The following FRMD4A variants were observed in gnomAD, a reference collection of about 807,000 sequenced individuals.
FRMD4A encodes the protein FERM domain-containing protein 4A.
Under a neutral mutation model 129.1 loss-of-function variants are expected in FRMD4A, and 29 were observed. That is an observed-to-expected ratio of 0.22 (90% CI 0.17 to 0.31). The LOEUF (loss-of-function observed/expected upper bound fraction) is 0.31. Among genes scored for constraint, FRMD4A ranks in the 10% least tolerant of loss-of-function variants. The pLI is 1.00. For missense variants in FRMD4A, 1,272 were observed against 1,375.8 expected, an observed-to-expected ratio of 0.92 and a Z score of 1.19; for synonymous variants, 634 against 571.6, an observed-to-expected ratio of 1.11 and a Z score of -1.56.
At chr10:13,893,981 A>G (rs535107318) in intron 2 of FRMD4A, among the ~76,000 whole-genome samples, 1 of 152,172 alleles carries the variant, frequency 6.6e-6, no homozygotes, top group Admixed American at 6.5e-5. Flanking sequence ...CTCCTAGTAA[A>G]CAGCATGCTC....
At chr10:14,028,765 A>C (rs933413054) in intron 2 of FRMD4A, among the ~76,000 whole-genome samples, 12 of 152,078 alleles carry the variant, frequency 7.9e-5, no homozygotes, top group African/African-American at 2.9e-4. Context: ...TATGTAGTAC[A>C]CCTCCTGAGG....
At chr10:13,662,575 C>A (rs760949371) in intron 19 of FRMD4A, among the ~76,000 whole-genome samples, 1 of 152,104 alleles carries the variant, frequency 6.6e-6, no homozygotes, top group Admixed American at 6.6e-5. Flanking sequence ...TCTTCCCCGA[C>A]GTATGGTGGT....
At chr10:14,092,735 G>T (rs1423673008) in intron 2 of FRMD4A, among the ~76,000 whole-genome samples, 1 of 152,234 alleles carries the variant, frequency 6.6e-6, no homozygotes, top group African/African-American at 2.4e-5. Flanking sequence ...CAGGCATGTG[G>T]CTGGCACTCG....
intron 2 of FRMD4A, among the ~76,000 whole-genome samples, chr10:13,905,186 A>AT (rs2094869220): frequency 6.6e-6 from 1 of 152,090 alleles, no homozygotes. Context: ...CCTGCAATGC[A>AT]TTTTGAAGAC....
intron 2 of FRMD4A, among the ~76,000 whole-genome samples, chr10:13,863,815 A>G (rs1167802093): frequency 6.6e-6 from 1 of 151,852 alleles, no homozygotes; most frequent in Non-Finnish European, 1.5e-5. Context: ...GAGTGACCCT[A>G]TTTGGAGAGG....
chr10:13,989,183 G>A (rs564431788), intron 2 of FRMD4A, among the ~76,000 whole-genome samples: 6 of 152,166 alleles, frequency 3.9e-5, no homozygotes, highest in East Asian at 1.9e-4. Context: ...CCCACACTGC[G>A]TCTTAGCGGT....
At chr10:14,219,762 T>A (rs1210094523) in intron 2 of FRMD4A, among the ~76,000 whole-genome samples, 3 of 152,134 alleles carry the variant, frequency 2.0e-5, no homozygotes, top group African/African-American at 7.2e-5. Context: ...CCTGTGTGCA[T>A]CCTCAGTCCA....
At chr10:13,878,770 GAA>G (rs796117719) in intron 2 of FRMD4A, among the ~76,000 whole-genome samples, 8 of 135,006 alleles carry the variant, frequency 5.9e-5, no homozygotes, top group African/African-American at 1.8e-4. Flanking sequence ...AGAAAGAAAA[GAA>G]AGAGAGAGAG....
chr10:13,952,911 G>C (rs983575956), intron 2 of FRMD4A, among the ~76,000 whole-genome samples: 3 of 151,944 alleles, frequency 2.0e-5, no homozygotes, highest in African/African-American at 7.3e-5. Flanking sequence ...GTCCAGACTG[G>C]TCTATAAACT....
At chr10:13,770,768 T>C (rs185772441) in intron 6 of FRMD4A, among the ~76,000 whole-genome samples, 7 of 152,272 alleles carry the variant, frequency 4.6e-5, no homozygotes, top group Admixed American at 3.3e-4. Flanking sequence ...TTAGAGATCA[T>C]GGGCACAGCC....
At chr10:14,287,958 A>G (rs1845734470) in intron 2 of FRMD4A, among the ~76,000 whole-genome samples, 1 of 151,990 alleles carries the variant, frequency 6.6e-6, no homozygotes, top group Non-Finnish European at 1.5e-5. Context: ...AACCATATGA[A>G]TTCTTCCTAG....
rs532102579 is a variant in FRMD4A, at chr10:13,696,783, C to T, written c.976-2744G>A. Among the ~76,000 whole-genome samples, 17 of 152,228 alleles carry T rather than the reference C, an allele frequency of 1.1e-4. No individual in the cohort carries two copies. In the South Asian group the frequency reaches 2.9e-3, roughly 26 times the overall value. On this transcript the variant is annotated intron_variant, in intron 14 of 24. Coordinates refer to ENST00000357447, the MANE Select transcript of FRMD4A (RefSeq NM_018027.5). ...GACCTGAATTAGAATCTTGGCTCTTCCCAGTGAATCACTATCGGACTTTGA... is the reference window on the plus strand; with the variant it reads ...GACCTGAATTAGAATCTTGGCTCTTTCCAGTGAATCACTATCGGACTTTGA...
intron 11 of FRMD4A, among the ~76,000 whole-genome samples, chr10:13,739,243 T>C (rs1232900049): frequency 6.6e-6 from 1 of 152,200 alleles, no homozygotes; most frequent in Non-Finnish European, 1.5e-5. Context: ...TTCTTAAAAC[T>C]TTAAAGGTGG....
Position 13,734,610 on chromosome 10 carries a change from A to G in FRMD4A, c.759+3234T>C, listed in dbSNP as rs187964309. 8.6e-4 allele frequency among the ~76,000 whole-genome samples: 131 copies of G among 151,642 alleles called. No individual in the cohort carries two copies. The East Asian group carries it at 0.019, about 22-fold the overall frequency. On this transcript the variant is annotated intron_variant, in intron 12 of 24. Transcript: ENST00000357447. The stretch of plus-strand genomic sequence containing the variant: ...TGCAAAATTCTTTGCACCCTTGAAG[A>G]CCCCACTCACTCTCTGCTTCCTCTG...
chr10:13,849,821 C>G (rs967108457), intron 3 of FRMD4A, among the ~76,000 whole-genome samples: 4 of 151,698 alleles, frequency 2.6e-5, no homozygotes, highest in Non-Finnish European at 4.4e-5. Flanking sequence ...ACAGAAGTTG[C>G]TAAGGCTGGG....
intron 2 of FRMD4A, among the ~76,000 whole-genome samples, chr10:14,084,429 G>A (rs966282561): frequency 3.3e-5 from 5 of 152,340 alleles, no homozygotes; most frequent in African/African-American, 1.2e-4. Flanking sequence ...TTACAGGCGT[G>A]AGCCACTGCA....
At chr10:13,796,318 C>T (rs954006672) in intron 5 of FRMD4A, among the ~76,000 whole-genome samples, 178 bp downstream of exon 5, 7 of 152,160 alleles carry the variant, frequency 4.6e-5, no homozygotes, top group African/African-American at 1.7e-4. Context: ...ACAGGCACAC[C>T]CTGCACCCTC....
chr10:14,314,291 C>A (rs1846657193), intron 2 of FRMD4A, among the ~76,000 whole-genome samples: 1 of 152,172 alleles, frequency 6.6e-6, no homozygotes, highest in Admixed American at 6.5e-5. Context: ...CACCTCACCT[C>A]TCCATGGCTG....
intron 12 of FRMD4A, chr10:13,707,491 C>A: frequency 9.9e-7 from 1 of 1,010,474 alleles, no homozygotes; most frequent in Non-Finnish European, 1.2e-6. Context: ...GCAGGGAAGG[C>A]GGCGGGTGAG....
Sources: gnomAD v4.1 joint callset for allele counts (sites outside exome capture counted in the v4.1 genomes callset) on GRCh38, gnomAD v4.1.1 for gene constraint, MANE v1.5 for transcripts, NCBI Gene and HGNC (gene_info 2026-07-23, HGNC 2026-07-21) for gene names.